MRC1: variants seen among roughly 807,000 people sequenced by gnomAD.
MRC1 encodes the protein mannose receptor C-type 1, also known as macrophage mannose receptor 1.
MRC1 carries 62 observed loss-of-function variants against 102.9 expected under a neutral mutation model. The ratio of observed to expected loss-of-function variants is 0.60; its 90% CI spans 0.49 to 0.74. The LOEUF is 0.74. MRC1 is among the 30% of genes least tolerant of loss of function. The pLI is 0.00. For synonymous variants in MRC1, 457 were observed against 298.4 expected (o/e 1.53, Z -5.48); for missense variants, 1,237 against 862.8 (o/e 1.43, Z -5.43).
rs1424741864 is a variant in MRC1, at chr10:17,901,043, G to T, written c.3649+90G>T. ...TGTTGATATTATTAAACAGTAATGTGTCTTGGATAGCTAAGAATAATATAG... is the reference window on the plus strand; with the variant it reads ...TGTTGATATTATTAAACAGTAATGTTTCTTGGATAGCTAAGAATAATATAG... On this transcript the variant is annotated intron_variant, in intron 25 of 29. Coordinates refer to ENST00000569591, the MANE Select transcript of MRC1 (RefSeq NM_002438.4). 4.0e-5 allele frequency: 29 copies of T among 716,186 alleles called. No individual in the cohort carries two copies. The South Asian group carries it at 4.7e-4, about 12-fold the overall frequency. 44.4% of individuals were successfully genotyped at this position (716,186 alleles called of 1,614,324 possible). A position where few individuals can be genotyped will look rare whatever the true frequency, so the allele number is the denominator to read the frequency against.
intron 1 of MRC1, among the ~76,000 whole-genome samples, chr10:17,816,932 C>T (rs528204897): frequency 2.1e-4 from 32 of 152,078 alleles, no homozygotes; most frequent in East Asian, 1.5e-3. Flanking sequence ...TTCAATGTTG[C>T]GGCATAATTT....
chr10:17,873,488 T>A (rs1425551605), intron 15 of MRC1, among the ~76,000 whole-genome samples: 3 of 145,980 alleles, frequency 2.1e-5, no homozygotes, highest in African/African-American at 7.5e-5. Flanking sequence ...ATTCTAAAAC[T>A]CATGATCTTT....
At chr10:17,909,587 CA>C (rs1833942305) in intron 29 of MRC1, among the ~76,000 whole-genome samples, 1 of 151,230 alleles carries the variant, frequency 6.6e-6, no homozygotes, top group Non-Finnish European at 1.5e-5. Flanking sequence ...CGCTCTGTTA[CA>C]AACAGCTGCC....
intron 21 of MRC1, among the ~76,000 whole-genome samples, chr10:17,881,979 G>A (rs2130692854): frequency 6.8e-6 from 1 of 147,108 alleles, no homozygotes; most frequent in East Asian, 2.0e-4. Context: ...AATATTTTTT[G>A]ATAAAACATG....
At position 17,877,748 on chromosome 10, in the gene MRC1, A is replaced by G. The variant is rs1002343598; in HGVS notation, c.2551-152A>G. On this transcript the variant is annotated intron_variant, in intron 17 of 29. Coordinates refer to ENST00000569591, the MANE Select transcript of MRC1 (RefSeq NM_002438.4). Reference sequence around the variant, plus strand: ...GTGTGCATTTTTTTTTATTTCTAGGAAGAACATAATATAGAATGTACTACA... The same window carrying G: ...GTGTGCATTTTTTTTTATTTCTAGGGAGAACATAATATAGAATGTACTACA... 4.4e-6 allele frequency: 3 copies of G among 682,796 alleles called. No individual in the cohort carries two copies. In the Admixed American group the frequency reaches 7.8e-5, roughly 18 times the overall value. 42.3% of individuals were successfully genotyped at this position (682,796 alleles called of 1,614,324 possible). A position where few individuals can be genotyped will look rare whatever the true frequency, so the allele number is the denominator to read the frequency against.
Position 17,822,924 on chromosome 10 carries a change from AGTC to A in MRC1, c.62-149_62-147del, listed in dbSNP as rs1589164923. ...CCTCGAAGAGAGCTGGCCCAGGCAC[AGTC>A]ATCAGTACCTCTTTTCCTGCAATCT... On this transcript the variant is annotated intron_variant, in intron 1 of 29. Coordinates refer to ENST00000569591, the MANE Select transcript of MRC1 (RefSeq NM_002438.4). 18 of 648,454 alleles carry A rather than the reference AGTC, an allele frequency of 2.8e-5. No homozygotes were observed. The East Asian group carries it at 4.9e-4, about 18-fold the overall frequency. The allele number at this position is 648,454 out of a possible 1,614,324, so 40.2% of individuals were successfully genotyped here.
intron 1 of MRC1, among the ~76,000 whole-genome samples, chr10:17,811,049 TC>T (rs1318088494): frequency 1.8e-3 from 271 of 152,282 alleles, no homozygotes; most frequent in African/African-American, 6.2e-3. Context: ...CTCCTCAGCC[TC>T]CCAAAGTGCT....
intron 23 of MRC1, among the ~76,000 whole-genome samples, chr10:17,897,683 C>T (rs1430364384): frequency 6.6e-6 from 1 of 152,298 alleles, no homozygotes; most frequent in African/African-American, 2.4e-5. Context: ...AGCAATGACA[C>T]AATCATCTAT....
In MRC1 at chr10:17,823,104, A is replaced by T; in HGVS notation, c.92A>T (p.Asp31Val). 1.3e-6 allele frequency: 1 copy of T among 780,882 alleles called. No individual in the cohort carries two copies. The highest frequency in any genetic ancestry group is 1.3e-5 in the South Asian group (1 of 74,616). The allele number at this position is 780,882 out of a possible 1,614,324, so 48.4% of individuals were successfully genotyped here. A position where few individuals can be genotyped will look rare whatever the true frequency, so the allele number is the denominator to read the frequency against. Residue 31 changes from aspartate (D) to valine (V), a missense_variant, in exon 2 of 30, where the codon GAT (aspartate) becomes GTT (valine). By Grantham distance (152) the Asp-to-Val change is radical. Coordinates refer to ENST00000569591, the MANE Select transcript of MRC1 (RefSeq NM_002438.4). ...AGGCAATTTTTAATCTATAATGAAG[A>T]TCACAAGCGCTGCGTGGATGCAGTG... is the stretch of plus-strand genomic sequence containing the variant. The part of the protein sequence containing the change: ...DTRQFLIYNE[D>V]HKRCVDAVSP...
chr10:17,829,947 A>G (rs1838544046), intron 3 of MRC1, among the ~76,000 whole-genome samples: 1 of 151,548 alleles, frequency 6.6e-6, no homozygotes, highest in Non-Finnish European at 1.5e-5. Flanking sequence ...TTATGCCTTC[A>G]CTGTCAAATT....
chr10:17,872,222 A>C, intron 15 of MRC1, 96 bp downstream of exon 15: 1 of 776,080 alleles, frequency 1.3e-6, no homozygotes, highest in Admixed American at 1.7e-5. Flanking sequence ...AACAAACAAA[A>C]TAACAAAATC....
chr10:17,858,378 A>G (rs1043542675), intron 9 of MRC1, among the ~76,000 whole-genome samples: 67 of 152,208 alleles, frequency 4.4e-4, no homozygotes, highest in Non-Finnish European at 3.8e-4. Flanking sequence ...TGTCTTTGGC[A>G]TTCTGCAGTG....
intron 20 of MRC1, 28 bp downstream of exon 20, chr10:17,880,698 G>A: frequency 2.6e-6 from 2 of 780,762 alleles, no homozygotes; most frequent in Non-Finnish European, 4.8e-6. Flanking sequence ...TGCAATCTTG[G>A]CACTGATCAG....
At chr10:17,874,110 C>A (rs1185510900) in intron 16 of MRC1, among the ~76,000 whole-genome samples, 1 of 152,184 alleles carries the variant, frequency 6.6e-6, no homozygotes, top group East Asian at 1.9e-4. Flanking sequence ...GCTGCTGTAA[C>A]CAGTTACCAG....
At position 17,856,636 on chromosome 10, in the gene MRC1, G is replaced by T. The variant is rs953882492; in HGVS notation, c.1518+284G>T. On this transcript the variant is annotated intron_variant, in intron 9 of 29. Coordinates refer to ENST00000569591, the MANE Select transcript of MRC1 (RefSeq NM_002438.4). ...GGAACTAAAAATGGCACATCAGAGG[G>T]AATCTGGCTAAGTTGAGGGCAGGCC... is the stretch of plus-strand genomic sequence containing the variant. Among the ~76,000 whole-genome samples, 184 of 152,194 alleles carry T rather than the reference G, an allele frequency of 1.2e-3. 1 individual carries two copies. The highest frequency in any genetic ancestry group is 4.2e-3 in the African/African-American group (174 of 41,514).
In MRC1 at chr10:17,910,537, G is replaced by A. The variant is rs1487339853; in HGVS notation, c.*72G>A. On this transcript the variant is annotated 3_prime_UTR_variant, in exon 30 of 30. Coordinates refer to ENST00000569591, the MANE Select transcript of MRC1 (RefSeq NM_002438.4). ...TGAAATTTAAAATTTTTAGTTCAAT[G>A]TGATTGTTTTCTTTAAAATGAGTAC... 1.3e-6 allele frequency: 1 copy of A among 779,364 alleles called. No homozygotes were observed. Among genetic ancestry groups the A allele is most frequent in the Admixed American group, 1.7e-5 (1 of 58,852 alleles). 48.3% of individuals were successfully genotyped at this position (779,364 alleles called of 1,614,324 possible). A position where few individuals can be genotyped will look rare whatever the true frequency, so the allele number is the denominator to read the frequency against.
chr10:17,842,886 G>A (rs1838772004), intron 5 of MRC1, among the ~76,000 whole-genome samples: 1 of 152,222 alleles, frequency 6.6e-6, no homozygotes, highest in Non-Finnish European at 1.5e-5. Context: ...CAATTCCTAA[G>A]AAGTAGGTGC....
chr10:17,864,294 C>G (rs1244371135), intron 11 of MRC1, among the ~76,000 whole-genome samples: 11 of 151,988 alleles, frequency 7.2e-5, no homozygotes, highest in African/African-American at 2.7e-4. Context: ...TGAGCCACTG[C>G]GCATGTCCTG....
rs1589174813 is a variant in MRC1, at chr10:17,845,344, T to C, written c.972T>C (p.Asn324=). ...GTGTGTCACTAAATCCTGGAAAAAATGCTAAATGGGAAAATCTGGAATGTG... is the reference window on the plus strand; with the variant it reads ...GTGTGTCACTAAATCCTGGAAAAAACGCTAAATGGGAAAATCTGGAATGTG... ...KSCVSLNPGK[N]AKWENLECVQ... Residue 324 remains asparagine, a synonymous_variant, in exon 6 of 30, where the codon AAT becomes AAC. Transcript: ENST00000569591. 2.6e-6 allele frequency: 2 copies of C among 780,750 alleles called. No individual in the cohort carries two copies. Among genetic ancestry groups the C allele is most frequent in the Non-Finnish European group, 4.8e-6 (2 of 417,936 alleles). The allele number at this position is 780,750 out of a possible 1,614,324, so 48.4% of individuals were successfully genotyped here.
Sources: gnomAD v4.1 joint callset for allele counts (sites outside exome capture counted in the v4.1 genomes callset) on GRCh38, gnomAD v4.1.1 for gene constraint, MANE v1.5 for transcripts, NCBI Gene and HGNC (gene_info 2026-07-23, HGNC 2026-07-21) for gene names.